The following PRH1 variants were observed in gnomAD, a reference collection of about 807,000 sequenced individuals.
PRH1 encodes proline rich protein HaeIII subfamily 1, also known as salivary acidic proline-rich phosphoprotein 1/2.
A neutral mutation model predicts 7.9 loss-of-function variants in PRH1; 7 were observed. The ratio of observed to expected loss-of-function variants is 0.89; its 90% CI spans 0.50 to 1.67. The LOEUF (loss-of-function observed/expected upper bound fraction) is 1.67, where lower values mean the gene tolerates loss of function less well. Ranked by LOEUF, PRH1 falls within the 40% of genes most tolerant of loss-of-function variation. The pLI, the probability that PRH1 is intolerant of heterozygous loss-of-function variation, is 0.00. For synonymous variants in PRH1, 45 were observed against 80.8 expected, an observed-to-expected ratio of 0.56 and a Z score of 2.38; for missense variants, 109 against 223.6, an observed-to-expected ratio of 0.49 and a Z score of 3.27.
chr12:11,163,303 C>T (rs1366374257), intron 1 of PRH1, among the ~76,000 whole-genome samples: 2 of 151,870 alleles, frequency 1.3e-5, no homozygotes, highest in Non-Finnish European at 2.9e-5. Context: ...ACCCCTGGTA[C>T]CATGAACATT....
At chr12:10,971,225 T>C (rs1938800644) in intron 2 of PRH1, among the ~76,000 whole-genome samples, 1 of 152,202 alleles carries the variant, frequency 6.6e-6, no homozygotes, top group African/African-American at 2.4e-5. Flanking sequence ...ATTGTTGTAA[T>C]AGTCACTCAT....
Position 11,091,928 on chromosome 12 carries a change from G to C in PRH1, n.124-44740C>G, listed in dbSNP as rs201622094. The C allele has an allele frequency of 1.1e-3, 1,355 of 1,182,682 alleles. 372 individuals carry two copies. Among genetic ancestry groups the C allele is most frequent in the Admixed American group, 2.3e-3 (100 of 43,912 alleles). The allele number at this position is 1,182,682 out of a possible 1,614,324, so 73.3% of individuals were successfully genotyped here. On this transcript the variant is annotated intron_variant and non_coding_transcript_variant, in intron 1 of 4. Transcript: ENST00000541977. ...CTTGAGCAAATAAAATATGCTGAGG[G>C]TAGTAGCAAGCCAGTTGCTGAAATG...
intron 1 of PRH1, among the ~76,000 whole-genome samples, chr12:11,026,282 C>T (rs1340887472): frequency 6.6e-6 from 1 of 152,198 alleles, no homozygotes; most frequent in African/African-American, 2.4e-5. Context: ...CCCACCTTCG[C>T]CTCCCAAAGT....
At chr12:10,986,702 G>C (rs776505364) in intron 1 of PRH1, 2 of 1,612,454 alleles carry the variant, frequency 1.2e-6, no homozygotes, top group Non-Finnish European at 1.7e-6. Context: ...CAATTCTGGA[G>C]ACCGCCAGAG....
At chr12:10,887,174 C>T (rs370074681), upstream of PRH1, among the ~76,000 whole-genome samples, 19 of 152,290 alleles carry the variant, frequency 1.2e-4, 1 homozygote, top group African/African-American at 3.9e-4. Context: ...TCTTCTTCGA[C>T]TTCACCATGC....
intron 1 of PRH1, among the ~76,000 whole-genome samples, chr12:11,068,807 C>T (rs1591942646): frequency 6.6e-6 from 1 of 152,146 alleles, no homozygotes; most frequent in South Asian, 2.1e-4. Context: ...TTAAATAAAA[C>T]TAAATTAGAT....
At chr12:11,013,676 G>C (rs1227264802) in intron 1 of PRH1, among the ~76,000 whole-genome samples, 1 of 151,838 alleles carries the variant, frequency 6.6e-6, no homozygotes, top group Non-Finnish European at 1.5e-5. Flanking sequence ...TTAGATGCTG[G>C]GCTACCCTCA....
At chr12:11,120,139 G>C (rs3851590), downstream of PRH1, among the ~76,000 whole-genome samples, 34,768 of 152,144 alleles carry the variant, frequency 0.23, 4,934 homozygotes, top group East Asian at 0.55. Context: ...AAAAGTAGGA[G>C]TTAGAACCAT....
intron 1 of PRH1, among the ~76,000 whole-genome samples, chr12:11,069,066 C>T (rs796638484): frequency 0.51 from 55,348 of 108,792 alleles, 12,117 homozygotes; most frequent in Non-Finnish European, 0.6. Flanking sequence ...TGCAGGTGGA[C>T]ACCACCTCAC....
chr12:11,164,655 G>C (rs915537122), intron 1 of PRH1, among the ~76,000 whole-genome samples: 1 of 151,952 alleles, frequency 6.6e-6, no homozygotes, highest in Non-Finnish European at 1.5e-5. Flanking sequence ...TCTAATGTTT[G>C]TATAGTGTCT....
chr12:11,073,420 C>A (rs1944165831), intron 1 of PRH1, among the ~76,000 whole-genome samples: 1 of 137,184 alleles, frequency 7.3e-6, no homozygotes, highest in African/African-American at 2.6e-5. Context: ...AGGGGTGAGC[C>A]ACCATGCCCA....
At chr12:11,025,622 G>C (rs1941871077) in intron 1 of PRH1, among the ~76,000 whole-genome samples, 2 of 152,274 alleles carry the variant, frequency 1.3e-5, no homozygotes, top group African/African-American at 2.4e-5. Flanking sequence ...CATTTCTCTT[G>C]CTCTATTTTC....
chr12:11,091,120 A>ATATATATATATATATATG (rs1944872831), intron 1 of PRH1, among the ~76,000 whole-genome samples: 1 of 54,678 alleles, frequency 1.8e-5, no homozygotes, highest in Admixed American at 2.1e-4. Flanking sequence ...ACACACATAT[A>ATATATATATATATATATG]TATATATATA....
At chr12:10,921,167 C>T (rs748871833) in intron 2 of PRH1, among the ~76,000 whole-genome samples, 4 of 151,818 alleles carry the variant, frequency 2.6e-5, no homozygotes, top group Non-Finnish European at 5.9e-5. Flanking sequence ...TGTTTTTACT[C>T]ACTTTGAGAA....
At chr12:11,030,968 CTCTT>C in intron 1 of PRH1, 1 of 1,614,276 alleles carries the variant, frequency 6.2e-7, no homozygotes, top group Non-Finnish European at 8.5e-7. Context: ...CTTAACTCTC[CTCTT>C]TAAGTGAAGA....
chr12:10,899,038 C>A (rs766375232), intron 2 of PRH1, among the ~76,000 whole-genome samples: 2 of 152,198 alleles, frequency 1.3e-5, no homozygotes, highest in Non-Finnish European at 2.9e-5. Flanking sequence ...GTGTTTTGTA[C>A]TTGCGTGGTG....
At chr12:11,030,934 C>T in intron 1 of PRH1, 5 of 1,614,248 alleles carry the variant, frequency 3.1e-6, no homozygotes, top group Middle Eastern at 1.6e-4. Flanking sequence ...GTAAAGGCCC[C>T]AACAGCATCA....
chr12:11,054,632 G>A (rs559352200), intron 1 of PRH1, among the ~76,000 whole-genome samples: 107 of 152,218 alleles, frequency 7.0e-4, no homozygotes, highest in African/African-American at 2.5e-3. Flanking sequence ...TTCATTTAGA[G>A]ATAAATTTAT....
chr12:10,980,176 C>T (rs1435009870), intron 1 of PRH1, among the ~76,000 whole-genome samples: 4 of 152,126 alleles, frequency 2.6e-5, no homozygotes, highest in Non-Finnish European at 5.9e-5. Flanking sequence ...TTATACCACA[C>T]ACAAAAATTA....
Sources: gnomAD v4.1 joint callset for allele counts (sites outside exome capture counted in the v4.1 genomes callset) on GRCh38, gnomAD v4.1.1 for gene constraint, MANE v1.5 for transcripts, NCBI Gene and HGNC (gene_info 2026-07-23, HGNC 2026-07-21) for gene names.